The following CCSER1 variants were observed in gnomAD, a reference collection of about 807,000 sequenced individuals.
CCSER1 encodes the protein coiled-coil serine rich protein 1.
CCSER1 carries 41 observed loss-of-function variants against 82.0 expected under a neutral mutation model. The observed-to-expected ratio is 0.50, with a 90% CI of 0.39 to 0.65. The LOEUF (loss-of-function observed/expected upper bound fraction) is 0.65, where lower values mean the gene tolerates loss of function less well. CCSER1 is among the 30% of genes least tolerant of loss of function. The pLI, the probability that CCSER1 is intolerant of heterozygous loss-of-function variation, is 0.00. For synonymous variants in CCSER1, 414 were observed against 383.9 expected (o/e 1.08, Z -0.92); for missense variants, 1,119 against 1,064.2 (o/e 1.05, Z -0.72).
At chr4:91,428,414 T>C (rs185808240) in intron 10 of CCSER1, among the ~76,000 whole-genome samples, 40 of 152,174 alleles carry the variant, frequency 2.6e-4, no homozygotes, top group African/African-American at 5.8e-4. Flanking sequence ...CTTTATAATA[T>C]GGCAAATGCA....
chr4:91,196,117 G>T lies in CCSER1; in HGVS notation c.2217+110123G>T, dbSNP rs75000240. ...CAGGAGAATGGCATGAACCCGGGAG[G>T]CGGAGCTTGCAGTGAGCAGAGATTG... On this transcript the variant is annotated intron_variant, in intron 10 of 10. Coordinates refer to ENST00000509176, the MANE Select transcript of CCSER1 (RefSeq NM_001145065.2). Among the ~76,000 whole-genome samples, 7 of 151,666 alleles carry T rather than the reference G, an allele frequency of 4.6e-5. No homozygotes were observed. The South Asian group carries it at 1.5e-3, about 32-fold the overall frequency.
At chr4:90,695,532 G>A (rs1047970609) in intron 6 of CCSER1, among the ~76,000 whole-genome samples, 3 of 151,952 alleles carry the variant, frequency 2.0e-5, no homozygotes, top group African/African-American at 4.8e-5. Context: ...GACCTAGAAA[G>A]GAGTAAGGAA....
At chr4:91,378,193 A>G (rs992843865) in intron 10 of CCSER1, among the ~76,000 whole-genome samples, 6 of 152,196 alleles carry the variant, frequency 3.9e-5, no homozygotes, top group African/African-American at 1.4e-4. Context: ...TGATGCCTCC[A>G]ACTTTGTTCT....
chr4:90,465,619 G>A (rs1184327954), intron 4 of CCSER1, among the ~76,000 whole-genome samples: 2 of 152,078 alleles, frequency 1.3e-5, no homozygotes, highest in Non-Finnish European at 2.9e-5. Flanking sequence ...TTAATCACGG[G>A]GAGACAAGGA....
At chr4:90,625,183 C>T (rs1381415996) in intron 5 of CCSER1, among the ~76,000 whole-genome samples, 2 of 152,132 alleles carry the variant, frequency 1.3e-5, no homozygotes, top group Non-Finnish European at 2.9e-5. Context: ...TTTTTCTCCC[C>T]TCACCAGCCT....
intron 10 of CCSER1, among the ~76,000 whole-genome samples, chr4:91,593,398 A>G (rs1444149124): frequency 1.3e-5 from 2 of 151,816 alleles, no homozygotes; most frequent in African/African-American, 4.8e-5. Context: ...AAAGCCAAGG[A>G]AAAAAACAGG....
rs1553922738 is a variant in CCSER1, at chr4:91,307,361, CT to C, written c.2217+221375del. Among the ~76,000 whole-genome samples the C allele has an allele frequency of 4.0e-5, 6 of 151,560 alleles. No individual in the cohort carries two copies. In the East Asian group the frequency reaches 5.9e-4, roughly 15 times the overall value. ...CCTTTCAAGAACTTTTTCTATGATG[CT>C]TTTTTTTCTTTAGTCCCTAGAGAAT... On this transcript the variant is annotated intron_variant, in intron 10 of 10. Coordinates refer to ENST00000509176, the MANE Select transcript of CCSER1 (RefSeq NM_001145065.2).
chr4:91,143,272 G>A (rs1476165124), intron 10 of CCSER1, among the ~76,000 whole-genome samples: 2 of 150,228 alleles, frequency 1.3e-5, no homozygotes, highest in African/African-American at 4.9e-5. Flanking sequence ...TTTTTATTTG[G>A]CTCTCAACTT....
intron 5 of CCSER1, among the ~76,000 whole-genome samples, chr4:90,525,359 TA>T (rs1773624074): frequency 6.6e-6 from 1 of 152,172 alleles, no homozygotes; most frequent in Non-Finnish European, 1.5e-5. Context: ...TCTGTCTTTA[TA>T]AAAAGTTAGT....
At chr4:91,492,975 T>A (rs1758627925) in intron 10 of CCSER1, among the ~76,000 whole-genome samples, 3 of 151,904 alleles carry the variant, frequency 2.0e-5, no homozygotes, top group Admixed American at 2.0e-4. Context: ...ATAGTGTAGA[T>A]TATTTTGTGT....
At chr4:91,094,330 T>G (rs1166053574) in intron 10 of CCSER1, among the ~76,000 whole-genome samples, 1 of 152,156 alleles carries the variant, frequency 6.6e-6, no homozygotes, top group Non-Finnish European at 1.5e-5. Flanking sequence ...CAAACAGCTT[T>G]TGGCTCTCAG....
chr4:90,561,508 A>G (rs573631775), intron 5 of CCSER1, among the ~76,000 whole-genome samples: 1 of 152,348 alleles, frequency 6.6e-6, no homozygotes, highest in South Asian at 2.1e-4. Flanking sequence ...TGCTGTTCCA[A>G]TAGATATCAA....
chr4:91,403,321 T>C (rs1752467417), intron 10 of CCSER1, among the ~76,000 whole-genome samples: 1 of 152,308 alleles, frequency 6.6e-6, no homozygotes, highest in South Asian at 2.1e-4. Context: ...TTTCTAAATA[T>C]ACAATCTTGT....
At chr4:90,902,195 A>G (rs1561331652) in intron 8 of CCSER1, among the ~76,000 whole-genome samples, 7 of 149,354 alleles carry the variant, frequency 4.7e-5, no homozygotes. Flanking sequence ...TATATCTTGC[A>G]TTTTTTTTCT....
chr4:90,670,045 T>C (rs142556779), intron 6 of CCSER1, among the ~76,000 whole-genome samples: 70 of 152,284 alleles, frequency 4.6e-4, no homozygotes, highest in African/African-American at 1.6e-3. Flanking sequence ...TCCACAATTA[T>C]GATCTCTAGC....
At chr4:90,171,459 A>T (rs1236966002) in intron 1 of CCSER1, among the ~76,000 whole-genome samples, 1 of 151,902 alleles carries the variant, frequency 6.6e-6, no homozygotes, top group African/African-American at 2.4e-5. Context: ...ATTATATATC[A>T]TTTACTTAAA....
At chr4:90,574,441 T>G (rs13139779) in intron 5 of CCSER1, among the ~76,000 whole-genome samples, 2 of 150,458 alleles carry the variant, frequency 1.3e-5, no homozygotes, top group Non-Finnish European at 1.5e-5. Flanking sequence ...GCTAATTTTT[T>G]GTATTTTTAG....
intron 8 of CCSER1, among the ~76,000 whole-genome samples, chr4:90,824,394 C>T (rs1037020724): frequency 6.6e-6 from 1 of 151,834 alleles, no homozygotes; most frequent in African/African-American, 2.4e-5. Flanking sequence ...AAATTGAAGG[C>T]AGTTGAAAAA....
chr4:90,886,405 G>T (rs992991857), intron 8 of CCSER1, among the ~76,000 whole-genome samples: 5 of 152,050 alleles, frequency 3.3e-5, no homozygotes, highest in Non-Finnish European at 5.9e-5. Context: ...ATCAGCCTAA[G>T]TGAGCTACCT....
Sources: gnomAD v4.1 joint callset for allele counts (sites outside exome capture counted in the v4.1 genomes callset) on GRCh38, gnomAD v4.1.1 for gene constraint, MANE v1.5 for transcripts, NCBI Gene and HGNC (gene_info 2026-07-23, HGNC 2026-07-21) for gene names.